PSPC1: variants seen among roughly 807,000 people sequenced by gnomAD.
The protein encoded by PSPC1 is paraspeckle protein 1.
Under a neutral mutation model 51.6 loss-of-function variants are expected in PSPC1, and 14 were observed. The observed-to-expected ratio is 0.27, with a 90% CI of 0.18 to 0.42. The LOEUF (loss-of-function observed/expected upper bound fraction) is 0.42, where lower values mean the gene tolerates loss of function less well. PSPC1 is among the 10% of genes least tolerant of loss of function. The pLI is 1.00. For missense variants in PSPC1, 406 were observed against 701.1 expected (o/e 0.58, Z 4.75); for synonymous variants, 193 against 231.9 (o/e 0.83, Z 1.53).
intron 6 of PSPC1, among the ~76,000 whole-genome samples, chr13:19,714,290 G>A (rs1881813347): frequency 6.6e-6 from 1 of 152,188 alleles, no homozygotes; most frequent in East Asian, 1.9e-4. Flanking sequence ...TATAATTATT[G>A]GCTTGAGTAT....
intron 7 of PSPC1, among the ~76,000 whole-genome samples, chr13:19,676,366 C>T (rs538412141): frequency 1.3e-4 from 20 of 152,238 alleles, no homozygotes; most frequent in African/African-American, 3.6e-4. Context: ...TCCCAGATGG[C>T]GATGCTGCTG....
intron 2 of PSPC1, among the ~76,000 whole-genome samples, chr13:19,768,218 G>A (rs1486231645): frequency 2.0e-5 from 3 of 150,306 alleles, no homozygotes; most frequent in East Asian, 2.0e-4. Context: ...GAGCAAGACC[G>A]TGTCCCCCCC....
At chr13:19,753,338 C>G (rs1886755131) in intron 3 of PSPC1, among the ~76,000 whole-genome samples, 1 of 150,036 alleles carries the variant, frequency 6.7e-6, no homozygotes, top group Admixed American at 6.6e-5. Flanking sequence ...CAGGCTCAAG[C>G]AGTCCTCCCA....
intron 2 of PSPC1, among the ~76,000 whole-genome samples, chr13:19,763,118 C>T (rs527314015): frequency 6.7e-6 from 1 of 150,128 alleles, no homozygotes; most frequent in South Asian, 2.1e-4. Context: ...AAAAAAAAAA[C>T]TCAACTTAAA....
intron 6 of PSPC1, among the ~76,000 whole-genome samples, chr13:19,720,474 T>C (rs1412411044): frequency 1.3e-5 from 2 of 152,234 alleles, no homozygotes; most frequent in East Asian, 1.9e-4. Flanking sequence ...CTGTTTGTGA[T>C]AGTCGGCATT....
chr13:19,671,373 A>G (rs745905518), downstream of PSPC1: 91 of 1,271,542 alleles, frequency 7.2e-5, no homozygotes, highest in Middle Eastern at 5.6e-4. Context: ...AAAAATTCCA[A>G]GAATCCTGGT....
intron 5 of PSPC1, among the ~76,000 whole-genome samples, chr13:19,731,826 C>T (rs768476778): frequency 1.3e-5 from 2 of 152,100 alleles, no homozygotes; most frequent in Non-Finnish European, 2.9e-5. Flanking sequence ...TGAAAAAATC[C>T]AAAATACTTA....
intron 1 of PSPC1, among the ~76,000 whole-genome samples, chr13:19,774,639 T>A (rs1413230217): frequency 6.7e-6 from 1 of 149,952 alleles, no homozygotes; most frequent in Non-Finnish European, 1.5e-5. Flanking sequence ...CTAGTCTCTA[T>A]CAAAAAATAC....
At chr13:19,689,429 T>A (rs1878304584) in intron 6 of PSPC1, among the ~76,000 whole-genome samples, 1 of 152,200 alleles carries the variant, frequency 6.6e-6, no homozygotes, top group African/African-American at 2.4e-5. Context: ...AAACTAGAGT[T>A]GATTCCATTT....
At chr13:19,688,091 T>C (rs1336183200) in intron 6 of PSPC1, among the ~76,000 whole-genome samples, 1 of 152,138 alleles carries the variant, frequency 6.6e-6, no homozygotes, top group Non-Finnish European at 1.5e-5. Context: ...CTAAGATAGA[T>C]ACTACTTCCC....
intron 7 of PSPC1, among the ~76,000 whole-genome samples, chr13:19,707,541 C>A (rs1485717297): frequency 6.6e-6 from 1 of 152,106 alleles, no homozygotes; most frequent in Admixed American, 6.5e-5. Context: ...CTCTACAAAA[C>A]CATTATGATG....
chr13:19,705,590 A>G (rs1721661236), intron 8 of PSPC1, 72 bp downstream of exon 8: 4 of 1,028,862 alleles, frequency 3.9e-6, no homozygotes, highest in African/African-American at 1.7e-5. Context: ...AATTATATTA[A>G]GTGTGAAGTT....
At chr13:19,756,395 C>T (rs551359550) in intron 3 of PSPC1, among the ~76,000 whole-genome samples, 4 of 151,050 alleles carry the variant, frequency 2.6e-5, no homozygotes, top group South Asian at 4.2e-4. Flanking sequence ...TACTCTCCAC[C>T]GTTAACATAT....
chr13:19,681,512 T>C (rs1489491918), intron 6 of PSPC1, among the ~76,000 whole-genome samples: 1 of 152,166 alleles, frequency 6.6e-6, no homozygotes, highest in African/African-American at 2.4e-5. Flanking sequence ...ACATACGAAT[T>C]GTAAAACTTG....
chr13:19,732,747 TAAA>T (rs1235466396), intron 5 of PSPC1, among the ~76,000 whole-genome samples: 1 of 151,928 alleles, frequency 6.6e-6, no homozygotes, highest in Non-Finnish European at 1.5e-5. Context: ...GGCAACATGG[TAAA>T]ACCCTGTCTC....
intron 2 of PSPC1, among the ~76,000 whole-genome samples, chr13:19,767,614 C>A (rs1455021665): frequency 6.6e-6 from 1 of 151,746 alleles, no homozygotes; most frequent in African/African-American, 2.4e-5. Context: ...TTGGAACTGA[C>A]AAACTGGTCA....
intron 4 of PSPC1, among the ~76,000 whole-genome samples, chr13:19,743,897 C>T (rs1485834605): frequency 3.3e-5 from 5 of 152,146 alleles, no homozygotes; most frequent in African/African-American, 9.6e-5. Flanking sequence ...CACCTGAGGT[C>T]GGGAGTTGGA....
In PSPC1 at chr13:19,773,971, T is replaced by C. The variant is rs151315208; in HGVS notation, c.373-1428A>G. ...CTTGCCCTAGCCAATGTCTTCTTAA[T>C]GACTTCTCCTGAAATACTGGCATGG... is the stretch of plus-strand genomic sequence containing the variant. On this transcript the variant is annotated intron_variant, in intron 1 of 8. Coordinates refer to ENST00000338910, the MANE Select transcript of PSPC1 (RefSeq NM_001354909.2). Among the ~76,000 whole-genome samples, 52 of 152,316 alleles carry C rather than the reference T, an allele frequency of 3.4e-4. No individual in the cohort carries two copies. The East Asian group carries it at 9.1e-3, about 27-fold the overall frequency.
rs138026542 is a variant in PSPC1, at chr13:19,704,518, A to G, written c.1386+1144T>C. On this transcript the variant is annotated intron_variant, in intron 8 of 8. Transcript: ENST00000338910. The stretch of plus-strand genomic sequence containing the variant: ...ACAGGCAGTGCTTTCTTTCTTTCTT[A>G]GCAGCATTGGCGCCTCAAGATTTCA... 5.1e-3 allele frequency among the ~76,000 whole-genome samples: 781 copies of G among 152,366 alleles called. 10 individuals are homozygous for G. The highest frequency in any genetic ancestry group is 0.018 in the African/African-American group (748 of 41,552).
Sources: gnomAD v4.1 joint callset for allele counts (sites outside exome capture counted in the v4.1 genomes callset) on GRCh38, gnomAD v4.1.1 for gene constraint, MANE v1.5 for transcripts, NCBI Gene and HGNC (gene_info 2026-07-23, HGNC 2026-07-21) for gene names.